BRD10: variants seen among roughly 807,000 people sequenced by gnomAD.
BRD10 encodes the protein uncharacterized bromodomain-containing protein 10.
chr9:5,938,963 G>A, the BRD10 span, among the ~76,000 whole-genome samples: 1 of 152,052 alleles, frequency 6.6e-6, no homozygotes, highest in African/African-American at 2.4e-5. Flanking sequence ...TCCTTATACT[G>A]TAGTACAACA....
At chr9:5,904,958 A>C in the BRD10 span, among the ~76,000 whole-genome samples, 1 of 151,666 alleles carries the variant, frequency 6.6e-6, no homozygotes, top group African/African-American at 2.4e-5. Context: ...TATTTATAGT[A>C]GAGATGTCAT....
the BRD10 span, among the ~76,000 whole-genome samples, chr9:6,003,058 T>C: frequency 3.3e-5 from 5 of 151,944 alleles, no homozygotes; most frequent in Non-Finnish European, 5.9e-5. Context: ...CCAAATAATC[T>C]TCAGCTATAT....
chr9:5,987,781 A>C, the BRD10 span, among the ~76,000 whole-genome samples: 7,752 of 152,264 alleles, frequency 0.051, 331 homozygotes, highest in African/African-American at 0.12. Context: ...CAGTATAGAA[A>C]CATCAGTGTC....
the BRD10 span, among the ~76,000 whole-genome samples, chr9:6,002,136 A>G: frequency 4.6e-5 from 7 of 152,150 alleles, no homozygotes; most frequent in Non-Finnish European, 1.0e-4. Flanking sequence ...TTTACCTTTT[A>G]CTATGCCTGT....
At chr9:5,920,716 G>T in the BRD10 span, 21 of 1,613,922 alleles carry the variant, frequency 1.3e-5, no homozygotes, top group South Asian at 2.2e-4. Flanking sequence ...GTGGAACTGT[G>T]TTTATTATTT....
At chr9:6,004,045 G>A in the BRD10 span, among the ~76,000 whole-genome samples, 1 of 152,072 alleles carries the variant, frequency 6.6e-6, no homozygotes, top group African/African-American at 2.4e-5. Context: ...TTCAGCATTC[G>A]GAATGCCCCA....
the BRD10 span, chr9:5,920,424 T>G: frequency 9.3e-6 from 15 of 1,613,952 alleles, no homozygotes; most frequent in Non-Finnish European, 1.2e-5. Flanking sequence ...CTAGTTACAT[T>G]GGATGGTGCC....
chr9:5,898,443 T>C, the BRD10 span, among the ~76,000 whole-genome samples: 1 of 152,198 alleles, frequency 6.6e-6, no homozygotes, highest in Non-Finnish European at 1.5e-5. Context: ...CCCTTGTAAC[T>C]TAATCACCTC....
chr9:5,921,929 G>A, the BRD10 span: 3 of 1,613,976 alleles, frequency 1.9e-6, no homozygotes, highest in Non-Finnish European at 2.5e-6. Context: ...AGCTGGAATG[G>A]AAACAGAAGT....
the BRD10 span, among the ~76,000 whole-genome samples, chr9:5,978,595 G>C: frequency 7.9e-5 from 12 of 152,222 alleles, no homozygotes; most frequent in African/African-American, 2.9e-4. Context: ...CCTCTGGCTA[G>C]CTGAAGCAGA....
the BRD10 span, among the ~76,000 whole-genome samples, chr9:5,955,340 T>C: frequency 2.6e-5 from 4 of 152,196 alleles, no homozygotes; most frequent in African/African-American, 4.8e-5. Context: ...TCTGTCATTT[T>C]TAGTTCACAA....
the BRD10 span, chr9:5,892,430 C>T: frequency 6.4e-7 from 1 of 1,572,878 alleles, no homozygotes; most frequent in South Asian, 1.2e-5. Context: ...TTAATGATGC[C>T]CACATGCTCC....
At chr9:5,943,874 G>C in the BRD10 span, among the ~76,000 whole-genome samples, 1 of 152,082 alleles carries the variant, frequency 6.6e-6, no homozygotes. Flanking sequence ...TGAGACTTCT[G>C]AAATGCTTAA....
chr9:5,904,930 T>C, the BRD10 span, among the ~76,000 whole-genome samples: 2 of 151,996 alleles, frequency 1.3e-5, no homozygotes, highest in Non-Finnish European at 2.9e-5. Context: ...CCCGCTACCA[T>C]GCCTGGCTAA....
chr9:5,920,673 C>G, the BRD10 span: 18 of 1,613,846 alleles, frequency 1.1e-5, no homozygotes, highest in Non-Finnish European at 1.5e-5. Context: ...GAAATAGATA[C>G]AGAACGTGTG....
At chr9:5,940,213 G>A in the BRD10 span, among the ~76,000 whole-genome samples, 1 of 151,500 alleles carries the variant, frequency 6.6e-6, no homozygotes, top group Non-Finnish European at 1.5e-5. Flanking sequence ...TTGCTCTGTC[G>A]CCCAGGCTGG....
chr9:6,007,922 G>C, the BRD10 span: 3 of 1,334,254 alleles, frequency 2.2e-6, no homozygotes, highest in African/African-American at 1.5e-5. Flanking sequence ...CTCCTCAGCC[G>C]CCGGCTCGGC....
chr9:5,976,601 T>G, the BRD10 span, among the ~76,000 whole-genome samples: 2 of 152,184 alleles, frequency 1.3e-5, no homozygotes, highest in African/African-American at 4.8e-5. Flanking sequence ...CTAGAAATTC[T>G]CCCTTTTTGG....
the BRD10 span, among the ~76,000 whole-genome samples, chr9:5,896,457 G>A: frequency 3.9e-5 from 6 of 152,318 alleles, no homozygotes; most frequent in African/African-American, 1.4e-4. Flanking sequence ...GAGACGGACA[G>A]GATAAGCTTG....
Sources: gnomAD v4.1 joint callset for allele counts (sites outside exome capture counted in the v4.1 genomes callset) on GRCh38, gnomAD v4.1.1 for gene constraint, MANE v1.5 for transcripts, NCBI Gene and HGNC (gene_info 2026-07-23, HGNC 2026-07-21) for gene names.